INSM1: variants seen among roughly 807,000 people sequenced by gnomAD.
INSM1 encodes the protein INSM transcriptional repressor 1, also known as insulinoma-associated protein 1.
A neutral mutation model predicts 21.1 loss-of-function variants in INSM1; 11 were observed. The observed-to-expected ratio is 0.52, with a 90% CI of 0.33 to 0.86. The LOEUF (loss-of-function observed/expected upper bound fraction) is 0.86. INSM1 is among the 40% of genes least tolerant of loss of function. INSM1 has a pLI of 0.03. For missense variants in INSM1, 843 were observed against 760.1 expected (o/e 1.11, Z -1.28); for synonymous variants, 473 against 386.1 (o/e 1.23, Z -2.64).
Position 20,369,466 on chromosome 20 carries a change from T to C in INSM1, c.1199T>C (p.Leu400Pro), listed in dbSNP as rs1287896420. The C allele has an allele frequency of 2.0e-6, 3 of 1,532,030 alleles. No individual in the cohort carries two copies. The highest frequency in any genetic ancestry group is 1.2e-5 in the South Asian group (1 of 83,176). The allele number at this position is 1,532,030 out of a possible 1,614,324, so 94.9% of individuals were successfully genotyped here. The change falls in exon 1 of 1, where the codon CTA (leucine) becomes CCA (proline). Residue 400 changes from leucine (L) to proline (P), a missense_variant. By Grantham distance (98) the Leu-to-Pro change is moderately conservative. Transcript: ENST00000310227. This position sits in a 1 kb window ranked among gnomAD's most constrained non-coding sequence, Gnocchi z 5.6. ...GCGCTGCAGGCCAAGGGCGCGCCGC[T>C]AGCGCCCCCGGCCGAGGACCTACTG... is the stretch of plus-strand genomic sequence containing the variant. ...HQALQAKGAP[L>P]APPAEDLLAL...
In INSM1 at chr20:20,370,849, A is replaced by G. The variant is rs2122529821; in HGVS notation, c.*1049A>G. Reference sequence around the variant, plus strand: ...TTTAAATGCAATCTCTTTTCTACATACATTATTTTCTTAATTGTTAGCTAT... The same window carrying G: ...TTTAAATGCAATCTCTTTTCTACATGCATTATTTTCTTAATTGTTAGCTAT... On this transcript the variant is annotated 3_prime_UTR_variant, in exon 1 of 1. Coordinates refer to ENST00000310227, the MANE Select transcript of INSM1 (RefSeq NM_002196.3). 1 of 167,158 alleles carries G rather than the reference A, an allele frequency of 6.0e-6. No individual in the cohort carries two copies. Among genetic ancestry groups the G allele is most frequent in the African/African-American group, 2.4e-5 (1 of 41,574 alleles). The allele number at this position is 167,158 out of a possible 1,614,324, so 10.4% of individuals were successfully genotyped here.
Position 20,368,339 on chromosome 20 carries a change from G to C in INSM1, c.72G>C (p.Glu24Asp). The C allele has an allele frequency of 7.8e-7, 1 of 1,275,418 alleles. No homozygotes were observed. The highest frequency in any genetic ancestry group is 2.4e-4 in the Middle Eastern group (1 of 4,162). The allele number at this position is 1,275,418 out of a possible 1,614,324, so 79.0% of individuals were successfully genotyped here. A position where few individuals can be genotyped will look rare whatever the true frequency, so the allele number is the denominator to read the frequency against. ...TTTCCTACCGGGTCCGCGGCGGCGA[G>C]GACGGCGACCGCGCACTGCTGCTCT... is the stretch of plus-strand genomic sequence containing the variant. Reference protein sequence around the residue: ...TPVSYRVRGGEDGDRALLLSP... With the variant: ...TPVSYRVRGGDDGDRALLLSP... Residue 24 changes from glutamate (E) to aspartate (D), a missense_variant, in exon 1 of 1, where the codon GAG becomes GAC. Physicochemically the swap from Glu to Asp is conservative, Grantham distance 45 (BLOSUM62 2). Coordinates refer to ENST00000310227, the MANE Select transcript of INSM1 (RefSeq NM_002196.3). This position sits in a 1 kb window ranked among gnomAD's most constrained non-coding sequence, Gnocchi z 4.3.
rs940591730 is a variant in INSM1, at chr20:20,370,304, A to G, written c.*504A>G. The G allele has an allele frequency of 1.8e-5, 3 of 168,102 alleles. No individual in the cohort carries two copies. Among genetic ancestry groups the G allele is most frequent in the Non-Finnish European group, 4.4e-5 (3 of 68,884 alleles). The allele number at this position is 168,102 out of a possible 1,614,324, so 10.4% of individuals were successfully genotyped here. A position where few individuals can be genotyped will look rare whatever the true frequency, so the allele number is the denominator to read the frequency against. On this transcript the variant is annotated 3_prime_UTR_variant, in exon 1 of 1. Coordinates refer to ENST00000310227, the MANE Select transcript of INSM1 (RefSeq NM_002196.3). ...TTGAACTTCCCACACGATTAGCTTT[A>G]TTATGGCTTGTGAACTGCTGGAGTC...
Position 20,368,608 on chromosome 20 carries a change from A to T in INSM1, c.341A>T (p.Lys114Met). 6.8e-7 allele frequency: 1 copy of T among 1,468,100 alleles called. No individual in the cohort carries two copies. The highest frequency in any genetic ancestry group is 9.1e-7 in the Non-Finnish European group (1 of 1,097,442). The allele number at this position is 1,468,100 out of a possible 1,614,324, so 90.9% of individuals were successfully genotyped here. A position where few individuals can be genotyped will look rare whatever the true frequency, so the allele number is the denominator to read the frequency against. Residue 114 changes from lysine to methionine, a missense_variant, in exon 1 of 1, where the codon AAG becomes ATG. Physicochemically the swap from Lys to Met is moderately conservative, Grantham distance 95 (BLOSUM62 -1). Transcript: ENST00000310227. This position sits in a 1 kb window ranked among gnomAD's most constrained non-coding sequence, Gnocchi z 4.3. ...RPVSREHEKH[K>M]YFERSFNLGS... The stretch of plus-strand genomic sequence containing the variant: ...GTGAGCCGCGAGCACGAGAAGCACA[A>T]GTACTTCGAACGCAGCTTCAACCTG...
At position 20,368,687 on chromosome 20, in the gene INSM1, G is replaced by A. The variant is rs2059485862; in HGVS notation, c.420G>A (p.Gly140=). Residue 140 remains glycine, a synonymous_variant, in exon 1 of 1, where the codon GGG becomes GGA. Coordinates refer to ENST00000310227, the MANE Select transcript of INSM1 (RefSeq NM_002196.3). The surrounding 1 kb of genome is among the most constrained non-coding windows in gnomAD (Gnocchi z 4.3). The part of the protein sequence containing the change: ...SFPTPAALLG[G]GGGGGASGAG... Reference sequence around the variant, plus strand: ...CCACGCCCGCCGCGCTGCTCGGAGGGGGCGGCGGCGGCGGCGCGAGCGGAG... The same window carrying A: ...CCACGCCCGCCGCGCTGCTCGGAGGAGGCGGCGGCGGCGGCGCGAGCGGAG... The A allele has an allele frequency of 1.5e-6, 2 of 1,310,662 alleles. No individual in the cohort carries two copies. The highest frequency in any genetic ancestry group is 2.0e-6 in the Non-Finnish European group (2 of 1,016,086). The allele number at this position is 1,310,662 out of a possible 1,614,324, so 81.2% of individuals were successfully genotyped here.
In INSM1 at chr20:20,368,200, C is replaced by A; in HGVS notation, c.-68C>A. The stretch of plus-strand genomic sequence containing the variant: ...GCGCCCGGGCAATGGGCCGGGGGCA[C>A]TGAGGGCCGCCGGGGCCGAGCGCGG... On this transcript the variant is annotated 5_prime_UTR_variant, in exon 1 of 1. It adds an upstream start codon to the 5' untranslated region. Coordinates refer to ENST00000310227, the MANE Select transcript of INSM1 (RefSeq NM_002196.3). The surrounding 1 kb of genome is among the most constrained non-coding windows in gnomAD (Gnocchi z 4.3). 9.6e-7 allele frequency: 1 copy of A among 1,042,322 alleles called. No individual in the cohort carries two copies. Among genetic ancestry groups the A allele is most frequent in the Non-Finnish European group, 1.2e-6 (1 of 865,374 alleles). The allele number at this position is 1,042,322 out of a possible 1,614,324, so 64.6% of individuals were successfully genotyped here.
rs2059486398 is a variant in INSM1 at position 20,368,784 on chromosome 20, T to G, written c.517T>G (p.Phe173Val). ...CGCCGAGCTCAAGATGGGCACGGCG[T>G]TCTCGGCTGGCGCCGAGGCGGCCCG... Reference protein sequence around the residue: ...APAELKMGTAFSAGAEAARGP... With the variant: ...APAELKMGTAVSAGAEAARGP... The change falls in exon 1 of 1, where the codon TTC becomes GTC. Residue 173 changes from phenylalanine (F) to valine (V), a missense_variant. Physicochemically the swap from Phe to Val is conservative, Grantham distance 50. Coordinates refer to ENST00000310227, the MANE Select transcript of INSM1 (RefSeq NM_002196.3). The surrounding 1 kb of genome is among the most constrained non-coding windows in gnomAD (Gnocchi z 4.3). The G allele has an allele frequency of 9.0e-7, 1 of 1,107,242 alleles. No homozygotes were observed. The highest frequency in any genetic ancestry group is 1.7e-5 in the African/African-American group (1 of 59,566). 68.6% of individuals were successfully genotyped at this position (1,107,242 alleles called of 1,614,324 possible). A position where few individuals can be genotyped will look rare whatever the true frequency, so the allele number is the denominator to read the frequency against.
chr20:20,368,263 C>T lies in INSM1; in HGVS notation c.-5C>T, dbSNP rs1357935572. 2.4e-6 allele frequency: 3 copies of T among 1,251,738 alleles called. No homozygotes were observed. The highest frequency in any genetic ancestry group is 9.5e-5 in the East Asian group (2 of 21,154). 77.5% of individuals were successfully genotyped at this position (1,251,738 alleles called of 1,614,324 possible). A position where few individuals can be genotyped will look rare whatever the true frequency, so the allele number is the denominator to read the frequency against. On this transcript the variant is annotated 5_prime_UTR_variant, in exon 1 of 1. Coordinates refer to ENST00000310227, the MANE Select transcript of INSM1 (RefSeq NM_002196.3). This position sits in a 1 kb window ranked among gnomAD's most constrained non-coding sequence, Gnocchi z 4.3. ...GCCAGTGCCGTGCCCTCGGGCCGCGCCAACATGCCCCGCGGCTTCCTGGTG... is the reference window on the plus strand; with the variant it reads ...GCCAGTGCCGTGCCCTCGGGCCGCGTCAACATGCCCCGCGGCTTCCTGGTG...
At position 20,368,871 on chromosome 20, in the gene INSM1, C is replaced by A. The variant is rs1388028979; in HGVS notation, c.604C>A (p.Pro202Thr). 4.9e-6 allele frequency: 7 copies of A among 1,425,922 alleles called. No homozygotes were observed. In the South Asian group the frequency reaches 9.8e-5, roughly 20 times the overall value. 88.3% of individuals were successfully genotyped at this position (1,425,922 alleles called of 1,614,324 possible). The change falls in exon 1 of 1, where the codon CCC becomes ACC. Residue 202 changes from proline (P) to threonine (T), a missense_variant. Pro to Thr is a conservative substitution (Grantham distance 38). Transcript: ENST00000310227. The surrounding 1 kb of genome is among the most constrained non-coding windows in gnomAD (Gnocchi z 4.3). ...CGCCCTGCGGCCCCCGGGAAAGCGGCCCCCGCCCCCTACCGCCGCGGAGCC... is the reference window on the plus strand; with the variant it reads ...CGCCCTGCGGCCCCCGGGAAAGCGGACCCCGCCCCCTACCGCCGCGGAGCC... ...AAALRPPGKR[P>T]PPPTAAEPPA... is the part of the protein sequence containing the mutation.
At position 20,370,431 on chromosome 20, in the gene INSM1, G is replaced by T. The variant is rs188353744; in HGVS notation, c.*631G>T. On this transcript the variant is annotated 3_prime_UTR_variant, in exon 1 of 1. Coordinates refer to ENST00000310227, the MANE Select transcript of INSM1 (RefSeq NM_002196.3). ...GAACTGTTGTCTGGGATTGTTTTGT[G>T]GGGGGAGGGAAGGGAGTGTTCCGAA... The T allele has an allele frequency of 3.5e-4, 59 of 167,164 alleles. No homozygotes were observed. The highest frequency in any genetic ancestry group is 6.8e-3 in the Middle Eastern group (2 of 296). 10.4% of individuals were successfully genotyped at this position (167,164 alleles called of 1,614,324 possible).
In INSM1 at chr20:20,368,561, G is replaced by A. The variant is rs1002551422; in HGVS notation, c.294G>A (p.Pro98=). Residue 98 remains proline, a synonymous_variant, in exon 1 of 1, where the codon CCG becomes CCA. Coordinates refer to ENST00000310227, the MANE Select transcript of INSM1 (RefSeq NM_002196.3). This position sits in a 1 kb window ranked among gnomAD's most constrained non-coding sequence, Gnocchi z 4.3. Reference sequence around the variant, plus strand: ...ACCCCGAGGCTGCGCACCCCGCGCCGCTCTACAGTCCCACGCGGCCCGTGA... The same window carrying A: ...ACCCCGAGGCTGCGCACCCCGCGCCACTCTACAGTCCCACGCGGCCCGTGA... The part of the protein sequence containing the change: ...FGNPEAAHPA[P]LYSPTRPVSR... The A allele has an allele frequency of 2.8e-6, 4 of 1,418,582 alleles. No homozygotes were observed. The highest frequency in any genetic ancestry group is 1.4e-5 in the South Asian group (1 of 72,786). 87.9% of individuals were successfully genotyped at this position (1,418,582 alleles called of 1,614,324 possible).
Position 20,368,977 on chromosome 20 carries a change from C to T in INSM1, c.710C>T (p.Thr237Met), listed in dbSNP as rs2059487675. 8 of 1,552,238 alleles carry T rather than the reference C, an allele frequency of 5.2e-6. No individual in the cohort carries two copies. Among genetic ancestry groups the T allele is most frequent in the South Asian group, 1.2e-5 (1 of 84,418 alleles). Residue 237 changes from threonine (T) to methionine (M), a missense_variant, in exon 1 of 1, where the codon ACG becomes ATG. By Grantham distance (81) the Thr-to-Met change is moderately conservative. Coordinates refer to ENST00000310227, the MANE Select transcript of INSM1 (RefSeq NM_002196.3). The surrounding 1 kb of genome is among the most constrained non-coding windows in gnomAD (Gnocchi z 4.3). ...CTGCACTTCGAGGACGAGGTGACCACGTCGCCCGTGCTGGGGCTCAAGATC... is the reference window on the plus strand; with the variant it reads ...CTGCACTTCGAGGACGAGGTGACCATGTCGCCCGTGCTGGGGCTCAAGATC... ...RKLHFEDEVT[T>M]SPVLGLKIKE... is the part of the protein sequence containing the mutation.
At position 20,369,065 on chromosome 20, in the gene INSM1, G is replaced by C; in HGVS notation, c.798G>C (p.Glu266Asp). Residue 266 changes from glutamate to aspartate, a missense_variant, in exon 1 of 1, where the codon GAG (glutamate) becomes GAC (aspartate). Transcript: ENST00000310227. This position sits in a 1 kb window ranked among gnomAD's most constrained non-coding sequence, Gnocchi z 5.6. ...GGGGCGCGGCGCGGCCGCTGGGCGA[G>C]TTCATCTGCCAGCTGTGCAAGGAGG... ...RAGGAARPLG[E>D]FICQLCKEEY... 2.5e-6 allele frequency: 4 copies of C among 1,573,848 alleles called. No homozygotes were observed. Among genetic ancestry groups the C allele is most frequent in the Non-Finnish European group, 2.6e-6 (3 of 1,165,704 alleles).
chr20:20,368,669 C>T lies in INSM1; in HGVS notation c.402C>T (p.Pro134=). The T allele has an allele frequency of 7.2e-7, 1 of 1,395,728 alleles. No homozygotes were observed. The highest frequency in any genetic ancestry group is 1.9e-4 in the Middle Eastern group (1 of 5,194). 86.5% of individuals were successfully genotyped at this position (1,395,728 alleles called of 1,614,324 possible). Reference sequence around the variant, plus strand: ...TCTCGGCCGAGTCCTTCCCCACGCCCGCCGCGCTGCTCGGAGGGGGCGGCG... The same window carrying T: ...TCTCGGCCGAGTCCTTCCCCACGCCTGCCGCGCTGCTCGGAGGGGGCGGCG... The part of the protein sequence containing the change: ...SPVSAESFPT[P]AALLGGGGGG... The change falls in exon 1 of 1, where the codon CCC becomes CCT. Residue 134 remains proline (P), a synonymous_variant. Coordinates refer to ENST00000310227, the MANE Select transcript of INSM1 (RefSeq NM_002196.3). The surrounding 1 kb of genome is among the most constrained non-coding windows in gnomAD (Gnocchi z 4.3).
Position 20,368,351 on chromosome 20 carries a change from C to T in INSM1, c.84C>T (p.Arg28=). 1 of 1,238,078 alleles carries T rather than the reference C, an allele frequency of 8.1e-7. No individual in the cohort carries two copies. 76.7% of individuals were successfully genotyped at this position (1,238,078 alleles called of 1,614,324 possible). The part of the protein sequence containing the change: ...YRVRGGEDGD[R]ALLLSPSCGG... ...TCCGCGGCGGCGAGGACGGCGACCG[C>T]GCACTGCTGCTCTCGCCCAGCTGCG... The change falls in exon 1 of 1, where the codon CGC becomes CGT. Residue 28 remains arginine (R), a synonymous_variant. Transcript: ENST00000310227. The surrounding 1 kb of genome is among the most constrained non-coding windows in gnomAD (Gnocchi z 4.3).
At position 20,368,582 on chromosome 20, in the gene INSM1, C is replaced by T. The variant is rs757776279; in HGVS notation, c.315C>T (p.Pro105=). The T allele has an allele frequency of 6.8e-7, 1 of 1,463,520 alleles. No individual in the cohort carries two copies. Among genetic ancestry groups the T allele is most frequent in the South Asian group, 1.3e-5 (1 of 79,298 alleles). The allele number at this position is 1,463,520 out of a possible 1,614,324, so 90.7% of individuals were successfully genotyped here. A position where few individuals can be genotyped will look rare whatever the true frequency, so the allele number is the denominator to read the frequency against. Residue 105 remains proline, a synonymous_variant, in exon 1 of 1, where the codon CCC becomes CCT. Transcript: ENST00000310227. This position sits in a 1 kb window ranked among gnomAD's most constrained non-coding sequence, Gnocchi z 4.3. ...CGCCGCTCTACAGTCCCACGCGGCC[C>T]GTGAGCCGCGAGCACGAGAAGCACA... ...HPAPLYSPTR[P]VSREHEKHKY... is the part of the protein sequence containing the mutation.
rs888747893 is a variant in INSM1, at chr20:20,370,115, C to T, written c.*315C>T. 3.1e-6 allele frequency: 1 copy of T among 327,160 alleles called. No homozygotes were observed. The highest frequency in any genetic ancestry group is 5.9e-6 in the Non-Finnish European group (1 of 170,600). The allele number at this position is 327,160 out of a possible 1,614,324, so 20.3% of individuals were successfully genotyped here. On this transcript the variant is annotated 3_prime_UTR_variant, in exon 1 of 1. Transcript: ENST00000310227. Reference sequence around the variant, plus strand: ...CTCGTGGTTGGAAGCCTCCCCTTGGCGGGGAGAAGCTTTTTTTCTTGCTAG... The same window carrying T: ...CTCGTGGTTGGAAGCCTCCCCTTGGTGGGGAGAAGCTTTTTTTCTTGCTAG...
Position 20,369,226 on chromosome 20 carries a change from G to A in INSM1, c.959G>A (p.Arg320Gln), listed in dbSNP as rs1038332100. ...LASHRRWHKPRPAPAAARAPE... is the reference protein window; with the variant it reads ...LASHRRWHKPQPAPAAARAPE... ...TCGCACCGCCGCTGGCACAAACCGC[G>A]GCCCGCGCCCGCCGCCGCCCGCGCG... The change falls in exon 1 of 1, where the codon CGG becomes CAG. Residue 320 changes from arginine to glutamine, a missense_variant. Arg to Gln is a conservative substitution (Grantham distance 43). Coordinates refer to ENST00000310227, the MANE Select transcript of INSM1 (RefSeq NM_002196.3). This position sits in a 1 kb window ranked among gnomAD's most constrained non-coding sequence, Gnocchi z 5.6. 5 of 1,474,868 alleles carry A rather than the reference G, an allele frequency of 3.4e-6. No individual in the cohort carries two copies. Among genetic ancestry groups the A allele is most frequent in the African/African-American group, 1.5e-5 (1 of 68,060 alleles). 91.4% of individuals were successfully genotyped at this position (1,474,868 alleles called of 1,614,324 possible). A position where few individuals can be genotyped will look rare whatever the true frequency, so the allele number is the denominator to read the frequency against.
Position 20,368,581 on chromosome 20 carries a change from C to G in INSM1, c.314C>G (p.Pro105Arg). ...GCGCCGCTCTACAGTCCCACGCGGC[C>G]CGTGAGCCGCGAGCACGAGAAGCAC... ...HPAPLYSPTR[P>R]VSREHEKHKY... The change falls in exon 1 of 1, where the codon CCC (proline) becomes CGC (arginine). Residue 105 changes from proline (P) to arginine (R), a missense_variant. Transcript: ENST00000310227. The surrounding 1 kb of genome is among the most constrained non-coding windows in gnomAD (Gnocchi z 4.3). 1 of 1,463,630 alleles carries G rather than the reference C, an allele frequency of 6.8e-7. No individual in the cohort carries two copies. The highest frequency in any genetic ancestry group is 9.1e-7 in the Non-Finnish European group (1 of 1,095,696). The allele number at this position is 1,463,630 out of a possible 1,614,324, so 90.7% of individuals were successfully genotyped here. A position where few individuals can be genotyped will look rare whatever the true frequency, so the allele number is the denominator to read the frequency against.
Sources: gnomAD v4.1 joint callset for allele counts on GRCh38, gnomAD v4.1.1 for gene constraint, Gnocchi (gnomAD v3.1) non-coding constraint, MANE v1.5 for transcripts, NCBI Gene and HGNC (gene_info 2026-07-23, HGNC 2026-07-21) for gene names.